The following ATP10A variants were observed in gnomAD, a reference collection of about 807,000 sequenced individuals.
ATP10A encodes ATPase phospholipid transporting 10A (putative).
In ATP10A, 111 loss-of-function variants were observed where a neutral mutation model predicts 147.8. The observed-to-expected ratio is 0.75, with a 90% CI of 0.64 to 0.88. ATP10A has a LOEUF of 0.88. Among genes scored for constraint, ATP10A ranks in the 40% least tolerant of loss-of-function variants. ATP10A has a pLI of 0.00. For missense variants in ATP10A, 1,927 were observed against 1,959.0 expected, an observed-to-expected ratio of 0.98 and a Z score of 0.31; for synonymous variants, 875 against 841.6, an observed-to-expected ratio of 1.04 and a Z score of -0.69.
At chr15:25,701,347 G>A (rs1217778450) in intron 13 of ATP10A, among the ~76,000 whole-genome samples, 5 of 152,200 alleles carry the variant, frequency 3.3e-5, no homozygotes, top group African/African-American at 1.2e-4. Context: ...GAGCCCCAGA[G>A]AGGCTGTGGT....
At chr15:25,750,601 T>C (rs1176501688) in intron 2 of ATP10A, among the ~76,000 whole-genome samples, 1 of 152,174 alleles carries the variant, frequency 6.6e-6, no homozygotes, top group Non-Finnish European at 1.5e-5. Flanking sequence ...TTTAGTGCTC[T>C]TTTTATGAGC....
At chr15:25,687,402 T>C (rs540570866) in intron 16 of ATP10A, among the ~76,000 whole-genome samples, 1 of 151,976 alleles carries the variant, frequency 6.6e-6, no homozygotes, top group Non-Finnish European at 1.5e-5. Flanking sequence ...CTGTGCAAAC[T>C]GCTAGCCTCA....
At chr15:25,858,335 G>A (rs1015382433) in intron 1 of ATP10A, among the ~76,000 whole-genome samples, 5 of 152,118 alleles carry the variant, frequency 3.3e-5, no homozygotes, top group Admixed American at 6.6e-5. Context: ...CTGCTGTCTT[G>A]TTGCATTAAG....
intron 1 of ATP10A, among the ~76,000 whole-genome samples, chr15:25,799,549 A>G (rs186819743): frequency 1.1e-4 from 16 of 152,300 alleles, no homozygotes; most frequent in Admixed American, 2.6e-4. Context: ...TAAACTAAAT[A>G]ACATTCATTG....
At position 25,727,204 on chromosome 15, in the gene ATP10A, G is replaced by A. The variant is rs766099724; in HGVS notation, c.803C>T (p.Thr268Ile). 1.2e-6 allele frequency: 2 copies of A among 1,614,188 alleles called. No homozygotes were observed. Among genetic ancestry groups the A allele is most frequent in the South Asian group, 1.1e-5 (1 of 91,078 alleles). The change falls in exon 4 of 21, where the codon ACC (threonine) becomes ATC (isoleucine). Residue 268 changes from threonine to isoleucine, a missense_variant. Transcript: ENST00000555815. Reference sequence around the variant, plus strand: ...GACGACTGCGTCCGTGTTCCTAAGGGTGCAGCCCCTCAGCAGCAGGTTTTC... The same window carrying A: ...GACGACTGCGTCCGTGTTCCTAAGGATGCAGCCCCTCAGCAGCAGGTTTTC... Reference protein sequence around the residue: ...YKENLLLRGCTLRNTDAVVGI... With the variant: ...YKENLLLRGCILRNTDAVVGI...
Position 25,679,203 on chromosome 15 carries a change from T to A in ATP10A, c.*138A>T. 1.5e-6 allele frequency: 1 copy of A among 667,430 alleles called. No homozygotes were observed. The highest frequency in any genetic ancestry group is 3.9e-5 in the East Asian group (1 of 25,824). The allele number at this position is 667,430 out of a possible 1,614,324, so 41.3% of individuals were successfully genotyped here. A position where few individuals can be genotyped will look rare whatever the true frequency, so the allele number is the denominator to read the frequency against. On this transcript the variant is annotated 3_prime_UTR_variant, in exon 21 of 21. Coordinates refer to ENST00000555815, the MANE Select transcript of ATP10A (RefSeq NM_024490.4). ...AGAATTTTAAAAAATAAACTTTCTT[T>A]TTTGGTACCTCTTGTTTCCTGTATT...
chr15:25,696,880 G>A (rs1377044737), intron 13 of ATP10A, among the ~76,000 whole-genome samples: 2 of 152,194 alleles, frequency 1.3e-5, no homozygotes, highest in African/African-American at 4.8e-5. Flanking sequence ...AATGGCAGTG[G>A]CAGAAATGTC....
intron 1 of ATP10A, among the ~76,000 whole-genome samples, chr15:25,805,446 C>G (rs1183980825): frequency 2.0e-5 from 3 of 152,220 alleles, no homozygotes; most frequent in Non-Finnish European, 4.4e-5. Context: ...CTGCAGCACA[C>G]TTTACACGCG....
intron 10 of ATP10A, among the ~76,000 whole-genome samples, chr15:25,713,438 C>A (rs909431052): frequency 6.6e-5 from 10 of 152,168 alleles, no homozygotes; most frequent in African/African-American, 2.2e-4. Context: ...ATCCTCTGAC[C>A]CCCCAGTTCT....
intron 1 of ATP10A, among the ~76,000 whole-genome samples, chr15:25,790,373 A>T (rs564737307): frequency 6.6e-6 from 1 of 152,350 alleles, no homozygotes; most frequent in East Asian, 1.9e-4. Context: ...AGATGTGTGG[A>T]AGCACATGTG....
intron 1 of ATP10A, among the ~76,000 whole-genome samples, chr15:25,789,565 A>AGTGTGTGT (rs59744412): frequency 0.077 from 10,910 of 141,290 alleles, 492 homozygotes; most frequent in African/African-American, 0.12. Flanking sequence ...CCAATAAAGA[A>AGTGTGTGT]GTGTGTGTGT....
intron 2 of ATP10A, among the ~76,000 whole-genome samples, chr15:25,752,390 G>C (rs1216898464): frequency 1.3e-5 from 2 of 152,162 alleles, no homozygotes; most frequent in Non-Finnish European, 2.9e-5. Context: ...AGTAAAATAA[G>C]CCAGGCACAG....
chr15:25,787,547 G>A (rs1235164347), intron 1 of ATP10A, among the ~76,000 whole-genome samples: 4 of 151,524 alleles, frequency 2.6e-5, no homozygotes, highest in African/African-American at 9.7e-5. Context: ...GGAAAGTTGA[G>A]GTGGCAGTAA....
intron 13 of ATP10A, among the ~76,000 whole-genome samples, chr15:25,699,864 T>A (rs548074703): frequency 6.6e-6 from 1 of 151,794 alleles, no homozygotes; most frequent in South Asian, 2.1e-4. Context: ...TGAGACCTCA[T>A]CTCCAAAAAG....
chr15:25,677,400 G>A (rs554162135), downstream of ATP10A: 1 of 152,142 alleles, frequency 6.6e-6, no homozygotes, highest in South Asian at 2.1e-4. Flanking sequence ...TGAAGCCAGC[G>A]CCAAGGTCAT....
rs375508315 is a variant in ATP10A, at chr15:25,682,662, G to A, written c.3492+624C>T. Among the ~76,000 whole-genome samples, 5 of 152,334 alleles carry A rather than the reference G, an allele frequency of 3.3e-5. No individual in the cohort carries two copies. The South Asian group carries it at 1.0e-3, about 32-fold the overall frequency. ...TCGCCTCCTGGCACCCCGTGCATGC[G>A]GCCTGCTTCTGTGGGAACTGAACAT... On this transcript the variant is annotated intron_variant, in intron 17 of 20. Coordinates refer to ENST00000555815, the MANE Select transcript of ATP10A (RefSeq NM_024490.4).
intron 1 of ATP10A, among the ~76,000 whole-genome samples, chr15:25,822,744 A>G (rs1891942823): frequency 6.6e-6 from 1 of 152,208 alleles, no homozygotes; most frequent in Admixed American, 6.5e-5. Context: ...TACCTTAGAG[A>G]TAACTATTTC....
At chr15:25,859,755 GA>G (rs1268649188) in intron 1 of ATP10A, among the ~76,000 whole-genome samples, 1 of 152,152 alleles carries the variant, frequency 6.6e-6, no homozygotes, top group Non-Finnish European at 1.5e-5. Context: ...GATTCTCACA[GA>G]AAGGGGCCCA....
Position 25,713,938 on chromosome 15 carries a change from C to A in ATP10A, c.2080G>T (p.Glu694Ter). 3 of 1,611,626 alleles carry A rather than the reference C, an allele frequency of 1.9e-6. No individual in the cohort carries two copies. The highest frequency in any genetic ancestry group is 1.7e-6 in the Non-Finnish European group (2 of 1,180,014). ...GCGGCCTCATCCGGGCTCTCCGCCTCGTACCGCAGCTCGCGCTCTGACTCC... is the reference window on the plus strand; with the variant it reads ...GCGGCCTCATCCGGGCTCTCCGCCTAGTACCGCAGCTCGCGCTCTGACTCC... Reference protein sequence around the residue: ...EQESERELRYEAESPDEAALV... With the variant: ...EQESERELRY The change falls in exon 10 of 21, where the codon GAG becomes TAG. Residue 694 changes from glutamate to a stop codon, truncating the protein, a stop_gained. Coordinates refer to ENST00000555815, the MANE Select transcript of ATP10A (RefSeq NM_024490.4). LOFTEE classifies it high-confidence loss of function.
Sources: gnomAD v4.1 joint callset for allele counts (sites outside exome capture counted in the v4.1 genomes callset) on GRCh38, gnomAD v4.1.1 for gene constraint, MANE v1.5 for transcripts, NCBI Gene and HGNC (gene_info 2026-07-23, HGNC 2026-07-21) for gene names.